PPP2R5C: variants seen among roughly 807,000 people sequenced by gnomAD.
PPP2R5C encodes the protein serine/threonine-protein phosphatase 2A 56 kDa regulatory subunit gamma isoform.
PPP2R5C carries 7 observed loss-of-function variants against 68.9 expected under a neutral mutation model. The ratio of observed to expected loss-of-function variants is 0.10; its 90% CI spans 0.06 to 0.19. The LOEUF is 0.19. Ranked by LOEUF, PPP2R5C falls within the 10% of genes least tolerant of loss-of-function variation. The pLI is 1.00. For missense variants in PPP2R5C, 348 were observed against 641.3 expected, an observed-to-expected ratio of 0.54 and a Z score of 4.94; for synonymous variants, 210 against 222.2, an observed-to-expected ratio of 0.95 and a Z score of 0.49.
intron 2 of PPP2R5C, among the ~76,000 whole-genome samples, chr14:101,868,977 A>G (rs1470094354): frequency 6.6e-6 from 1 of 152,158 alleles, no homozygotes; most frequent in East Asian, 1.9e-4. Context: ...CAGTGGCACC[A>G]TATCAGCTCA....
chr14:101,856,620 T>C, intron 1 of PPP2R5C, 66 bp from the exon 4 acceptor site: 6 of 1,377,192 alleles, frequency 4.4e-6, no homozygotes, highest in Non-Finnish European at 6.2e-6. Context: ...AAAGCTTAAA[T>C]GTGTTTCACA....
intron 1 of PPP2R5C, chr14:101,819,109 A>ATG (rs2039889620): frequency 1.8e-5 from 27 of 1,511,494 alleles, no homozygotes; most frequent in Non-Finnish European, 2.3e-5. Context: ...GTGTCTGTAT[A>ATG]TGTGTGTTTA....
At chr14:101,858,211 A>G (rs2042540825) in intron 2 of PPP2R5C, among the ~76,000 whole-genome samples, 1 of 152,158 alleles carries the variant, frequency 6.6e-6, no homozygotes. Flanking sequence ...TTTTTCTTTC[A>G]TTAATTTTAA....
intron 10 of PPP2R5C, among the ~76,000 whole-genome samples, chr14:101,908,811 AG>A (rs1453738694): frequency 3.9e-5 from 6 of 152,154 alleles, no homozygotes; most frequent in Non-Finnish European, 5.9e-5. Context: ...CCCATTGCAA[AG>A]AAAAAAATGT....
chr14:101,851,016 A>G (rs760443805), intron 1 of PPP2R5C, among the ~76,000 whole-genome samples: 22 of 152,196 alleles, frequency 1.4e-4, no homozygotes, highest in Non-Finnish European at 3.1e-4. Flanking sequence ...ACCGTCGCTA[A>G]ATGTTGGCTC....
intron 1 of PPP2R5C, chr14:101,823,718 G>A (rs1044457089): frequency 6.9e-6 from 7 of 1,014,460 alleles, no homozygotes; most frequent in African/African-American, 1.7e-5. Flanking sequence ...ACCAGATACC[G>A]GACCAGCACT....
intron 1 of PPP2R5C, among the ~76,000 whole-genome samples, chr14:101,821,444 G>GGTGT (rs758710740): frequency 4.6e-5 from 6 of 130,060 alleles, no homozygotes; most frequent in Non-Finnish European, 1.0e-4. Context: ...GTGGGGGGTG[G>GGTGT]GTGGGTGGGT....
intron 2 of PPP2R5C, among the ~76,000 whole-genome samples, chr14:101,773,983 CTGAGTCTGGTTGGGCTT>C (rs949153574): frequency 6.6e-6 from 1 of 152,244 alleles, no homozygotes; most frequent in African/African-American, 2.4e-5. Context: ...ACATGAACCA[CTGAGTCTGGTTGGGCTT>C]TGAGTTTTTA....
rs1321714043 is a variant in PPP2R5C, at chr14:101,899,419, G to T, written c.853-2300G>T. 6.6e-6 allele frequency among the ~76,000 whole-genome samples: 1 copy of T among 152,184 alleles called. No individual in the cohort carries two copies. Among genetic ancestry groups the T allele is most frequent in the Non-Finnish European group, 1.5e-5 (1 of 68,030 alleles). ...TCGGGGCCTTGTGCTGCACCCAGCA[G>T]CACACAGCCATTGTTGCCTCGGATT... On this transcript the variant is annotated intron_variant, in intron 8 of 13. Transcript: ENST00000334743. This position sits in a 1 kb window ranked among gnomAD's most constrained non-coding sequence, Gnocchi z 4.2.
At chr14:101,789,038 G>C (rs2038245003) in intron 3 of PPP2R5C, among the ~76,000 whole-genome samples, 1 of 152,064 alleles carries the variant, frequency 6.6e-6, no homozygotes, top group Non-Finnish European at 1.5e-5. Flanking sequence ...CTCATGCAGA[G>C]CTATTGGTTT....
chr14:101,884,584 C>T (rs1467139751), intron 5 of PPP2R5C, among the ~76,000 whole-genome samples: 1 of 152,324 alleles, frequency 6.6e-6, no homozygotes, highest in Admixed American at 6.5e-5. Flanking sequence ...GAGGGAAAGC[C>T]CCGCTGGAGC....
At chr14:101,760,937 G>A (rs1198824974), upstream of PPP2R5C, among the ~76,000 whole-genome samples, 1 of 93,806 alleles carries the variant, frequency 1.1e-5, no homozygotes, top group South Asian at 4.1e-4. Flanking sequence ...CTGGCCGAGG[G>A]AAGAGGAGGG....
chr14:101,923,735 T>C (rs367933852), intron 13 of PPP2R5C, among the ~76,000 whole-genome samples: 6 of 152,234 alleles, frequency 3.9e-5, no homozygotes, highest in East Asian at 3.8e-4. Flanking sequence ...TTTTAAACCT[T>C]GACATTATTG....
intron 1 of PPP2R5C, chr14:101,819,998 C>G (rs997788691): frequency 6.6e-6 from 1 of 152,164 alleles, no homozygotes; most frequent in African/African-American, 2.4e-5. Context: ...TGATGGCCGT[C>G]TCGAAGAAAA....
chr14:101,891,829 C>CA lies in PPP2R5C; in HGVS notation c.690-1170dup, dbSNP rs2044949351. On this transcript the variant is annotated intron_variant, in intron 6 of 13. Transcript: ENST00000334743. The surrounding 1 kb of genome is among the most constrained non-coding windows in gnomAD (Gnocchi z 4.9). ...TCTACTTCTGCAGCTCAGTGGCAGT[C>CA]ACTCCCGTTTGCCTAATTACAAAAC... Among the ~76,000 whole-genome samples the CA allele has an allele frequency of 6.6e-6, 1 of 152,230 alleles. No individual in the cohort carries two copies. The highest frequency in any genetic ancestry group is 1.5e-5 in the Non-Finnish European group (1 of 68,042).
intron 1 of PPP2R5C, chr14:101,844,142 G>GTTTTTTTTTT (rs75704094): frequency 5.5e-5 from 7 of 126,228 alleles, no homozygotes; most frequent in Non-Finnish European, 3.4e-5. Flanking sequence ...TGTTTTTTTT[G>GTTTTTTTTTT]TTTTTTTTTT....
intron 1 of PPP2R5C, among the ~76,000 whole-genome samples, chr14:101,816,539 C>G (rs1036564973): frequency 6.6e-6 from 1 of 152,064 alleles, no homozygotes; most frequent in Non-Finnish European, 1.5e-5. Flanking sequence ...CTATTAGAGA[C>G]ATTTTGAAGG....
intron 1 of PPP2R5C, chr14:101,823,682 G>C: frequency 1.2e-6 from 1 of 863,472 alleles, no homozygotes; most frequent in East Asian, 1.0e-4. Flanking sequence ...ACTTGTCTGA[G>C]GTCCAAGAAG....
At chr14:101,778,106 G>A (rs2037510576) in intron 2 of PPP2R5C, among the ~76,000 whole-genome samples, 1 of 152,164 alleles carries the variant, frequency 6.6e-6, no homozygotes, top group Non-Finnish European at 1.5e-5. Context: ...AAAAAGAATA[G>A]GTATCCCAGC....
Sources: allele counts gnomAD v4.1 joint callset (sites outside exome capture counted in the v4.1 genomes callset), GRCh38; gene constraint gnomAD v4.1.1; non-coding constraint Gnocchi (gnomAD v3.1); transcripts MANE v1.5; gene names NCBI Gene and HGNC (gene_info 2026-07-23, HGNC 2026-07-21).